DMD: variants seen among roughly 807,000 people sequenced by gnomAD.
The protein encoded by DMD is mutant dystrophin.
A neutral mutation model predicts 330.1 loss-of-function variants in DMD; 63 were observed. The ratio of observed to expected loss-of-function variants is 0.19; its 90% CI spans 0.16 to 0.24. DMD has a LOEUF of 0.24. DMD is among the 10% of genes least tolerant of loss of function. The pLI is 1.00. For synonymous variants in DMD, 1,223 were observed against 959.8 expected, an observed-to-expected ratio of 1.27 and a Z score of -5.07; for missense variants, 3,344 against 2,684.1, an observed-to-expected ratio of 1.25 and a Z score of -5.43.
intron 44 of DMD, among the ~76,000 whole-genome samples, chrX:32,071,581 C>T (rs1205262788): frequency 9.4e-6 from 1 of 106,520 alleles, no homozygotes; most frequent in African/African-American, 3.4e-5. Context: ...ATGGGTGCAG[C>T]ACACCAACAT....
At chrX:31,430,038 G>A (rs759588476) in intron 60 of DMD, among the ~76,000 whole-genome samples, 1 of 111,413 alleles carries the variant, frequency 9.0e-6, no homozygotes, top group Admixed American at 9.5e-5. Context: ...ACCTTTCTCA[G>A]AAGGTCCCTT....
In DMD at chrX:32,732,046, C is replaced by A. The variant is rs752548912; in HGVS notation, c.650-32753G>T. On this transcript the variant is annotated intron_variant, in intron 7 of 78. Coordinates refer to ENST00000357033, the MANE Select transcript of DMD (RefSeq NM_004006.3). ...TTAGAAGAATGTATAAGTAGAATAA[C>A]CATTACAGAGAAGTGCTTAAAGGAG... Among the ~76,000 whole-genome samples the A allele has an allele frequency of 4.5e-5, 5 of 111,346 alleles. No individual in the cohort carries two copies. The East Asian group carries it at 1.4e-3, about 32-fold the overall frequency.
At chrX:31,285,580 T>C (rs913455877) in intron 62 of DMD, among the ~76,000 whole-genome samples, 10 of 111,975 alleles carry the variant, frequency 8.9e-5, no homozygotes, top group African/African-American at 3.2e-4. Context: ...ATTTTAGATA[T>C]TGATTTTCAT....
At chrX:32,848,606 T>C (rs1394156827) in intron 3 of DMD, among the ~76,000 whole-genome samples, 2 of 61,329 alleles carry the variant, frequency 3.3e-5, no homozygotes, top group Non-Finnish European at 5.1e-5. Context: ...AGATAAAAAA[T>C]GAAAGCATAG....
chrX:31,889,669 ACACACACACACACG>A (rs1412671980), intron 47 of DMD, among the ~76,000 whole-genome samples: 3 of 77,307 alleles, frequency 3.9e-5, no homozygotes, highest in East Asian at 3.9e-4. Context: ...ACACACACAC[ACACACACACACACG>A]CACACCACAG....
At chrX:32,853,769 G>GAAAAAAAAAAAAAAAAAAAAAAAA (rs1162458210) in intron 2 of DMD, among the ~76,000 whole-genome samples, 1 of 56,092 alleles carries the variant, frequency 1.8e-5, no homozygotes, top group Non-Finnish European at 3.1e-5. Context: ...CACAGTGACA[G>GAAAAAAAAAAAAAAAAAAAAAAAA]AAAAAAAAAA....
At chrX:33,149,639 C>T (rs1397172204) in intron 1 of DMD, among the ~76,000 whole-genome samples, 2 of 111,727 alleles carry the variant, frequency 1.8e-5, no homozygotes, top group African/African-American at 6.5e-5. Flanking sequence ...ATAAGTTCAA[C>T]AATCCTGGGT....
chrX:33,223,858 T>C (rs953255256), intron 1 of DMD, among the ~76,000 whole-genome samples: 3 of 111,930 alleles, frequency 2.7e-5, no homozygotes, highest in Non-Finnish European at 5.6e-5. Context: ...ATCCAAAATA[T>C]ACAAAGAACT....
intron 43 of DMD, among the ~76,000 whole-genome samples, chrX:32,271,538 G>T (rs1376856475): frequency 1.8e-5 from 2 of 112,907 alleles, no homozygotes; most frequent in African/African-American, 6.4e-5. Flanking sequence ...TTACAGGCAA[G>T]AATTTGCAAC....
chrX:31,270,261 C>A (rs912526905), intron 62 of DMD, among the ~76,000 whole-genome samples: 1 of 109,309 alleles, frequency 9.1e-6, no homozygotes, highest in East Asian at 2.9e-4. Context: ...TCAAGTGTTC[C>A]GTTTGAATGT....
chrX:32,545,428 C>G, intron 16 of DMD, 94 bp from the exon 17 acceptor site: 2 of 905,379 alleles, frequency 2.2e-6, no homozygotes, highest in Admixed American at 4.6e-5. Context: ...AGAAACTGTT[C>G]TTGCTTGTTG....
At chrX:32,472,611 GAAGCT>G (rs1224317173) in intron 21 of DMD, among the ~76,000 whole-genome samples, 54 of 110,814 alleles carry the variant, frequency 4.9e-4, no homozygotes, top group African/African-American at 1.7e-3. Flanking sequence ...GAAAAACAGA[GAAGCT>G]AAGTAAATTG....
intron 45 of DMD, among the ~76,000 whole-genome samples, chrX:31,938,252 A>G (rs2094948290): frequency 9.0e-6 from 1 of 111,204 alleles, no homozygotes; most frequent in South Asian, 3.8e-4. Flanking sequence ...ATTGCCTTTT[A>G]TATGCTTTCA....
intron 78 of DMD, among the ~76,000 whole-genome samples, chrX:31,123,117 ATTTTG>A (rs759407365): frequency 4.2e-4 from 47 of 111,748 alleles, no homozygotes; most frequent in Non-Finnish European, 7.3e-4. Context: ...TAGGGAGAGT[ATTTTG>A]TTTTAATATT....
chrX:33,164,294 G>T (rs2048946359), intron 1 of DMD, among the ~76,000 whole-genome samples: 1 of 111,896 alleles, frequency 8.9e-6, no homozygotes, highest in African/African-American at 3.2e-5. Context: ...TTATTGCTTA[G>T]TTTAAAAAAC....
chrX:32,214,253 A>T (rs5972510), intron 44 of DMD, among the ~76,000 whole-genome samples: 3,405 of 105,872 alleles, frequency 0.032, 156 homozygotes, highest in African/African-American at 0.11. Flanking sequence ...AAAAAGACAA[A>T]ATATATGCTA....
Position 32,573,861 on chromosome X carries a change from A to C in DMD, c.1603-15T>G, listed in dbSNP as rs759804853. ...TCTCCCAATACCTGGAGAAGAGACA[A>C]TCAAGCACAGCATCAGCAAACAATT... On this transcript the variant is annotated splice_polypyrimidine_tract_variant and intron_variant, in intron 13 of 78. Coordinates refer to ENST00000357033, the MANE Select transcript of DMD (RefSeq NM_004006.3). 1 of 1,169,344 alleles carries C rather than the reference A, an allele frequency of 8.6e-7. No individual in the cohort carries two copies. The highest frequency in any genetic ancestry group is 1.2e-6 in the Non-Finnish European group (1 of 858,731).
At chrX:32,123,792 T>C (rs1385935411) in intron 44 of DMD, among the ~76,000 whole-genome samples, 1 of 112,194 alleles carries the variant, frequency 8.9e-6, no homozygotes, top group East Asian at 2.8e-4. Flanking sequence ...AAACATTTGT[T>C]GCGTTAAAAG....
At position 31,173,577 on chromosome X, in the gene DMD, G is replaced by A. The variant is rs1453988716; in HGVS notation, c.10290C>T (p.His3430=). Residue 3430 remains histidine, a synonymous_variant, in exon 72 of 79, where the codon CAC becomes CAT. Coordinates refer to ENST00000357033, the MANE Select transcript of DMD (RefSeq NM_004006.3). The part of the protein sequence containing the change: ...SAPASSPQLS[H]DDTHSRIEHY... ...GTTCAATGCGTGAATGAGTATCATCGTGTGAAAGCTGAGGGGACGAGGCAG... is the reference window on the plus strand; with the variant it reads ...GTTCAATGCGTGAATGAGTATCATCATGTGAAAGCTGAGGGGACGAGGCAG... 5 of 1,208,677 alleles carry A rather than the reference G, an allele frequency of 4.1e-6. No homozygotes were observed. Among genetic ancestry groups the A allele is most frequent in the African/African-American group, 3.5e-5 (2 of 57,269 alleles).
Sources: allele counts gnomAD v4.1 joint callset (sites outside exome capture counted in the v4.1 genomes callset), GRCh38; gene constraint gnomAD v4.1.1; transcripts MANE v1.5; gene names NCBI Gene and HGNC (gene_info 2026-07-23, HGNC 2026-07-21).